The following PDSS1 variants were observed in gnomAD, a reference collection of about 807,000 sequenced individuals.
The protein encoded by PDSS1 is all trans-polyprenyl-diphosphate synthase PDSS1.
In PDSS1, 43 loss-of-function variants were observed where a neutral mutation model predicts 57.5. The ratio of observed to expected loss-of-function variants is 0.75; its 90% CI spans 0.59 to 0.96. PDSS1 has a LOEUF of 0.96. Among genes scored for constraint, PDSS1 ranks in the 50% least tolerant of loss-of-function variants. The pLI is 0.00. For missense variants in PDSS1, 438 were observed against 527.8 expected, an observed-to-expected ratio of 0.83 and a Z score of 1.67; for synonymous variants, 175 against 191.3, an observed-to-expected ratio of 0.91 and a Z score of 0.70.
chr10:26,725,589 T>C (rs1283838673), intron 8 of PDSS1, among the ~76,000 whole-genome samples: 2 of 152,122 alleles, frequency 1.3e-5, no homozygotes, highest in Non-Finnish European at 2.9e-5. Context: ...CTATTTTAAG[T>C]GGGTGCTCTA....
intron 4 of PDSS1, 70 bp from the exon 5 acceptor site, chr10:26,709,568 A>C: frequency 1.9e-6 from 3 of 1,542,932 alleles, no homozygotes; most frequent in South Asian, 2.2e-5. Context: ...TCTCAAAAAA[A>C]AAAAGAAATC....
intron 5 of PDSS1, among the ~76,000 whole-genome samples, chr10:26,719,970 T>A (rs1379818150): frequency 6.6e-6 from 1 of 152,260 alleles, no homozygotes; most frequent in Non-Finnish European, 1.5e-5. Flanking sequence ...GATCGTTTAC[T>A]GTTTTTTTGG....
chr10:26,727,890 G>A (rs1836013147), intron 8 of PDSS1, among the ~76,000 whole-genome samples: 1 of 151,802 alleles, frequency 6.6e-6, no homozygotes, highest in Non-Finnish European at 1.5e-5. Flanking sequence ...GGCCAGTTAT[G>A]TTGTTGAGCC....
chr10:26,702,267 A>G, intron 2 of PDSS1, 73 bp downstream of exon 2: 1 of 392,570 alleles, frequency 2.5e-6, no homozygotes, highest in South Asian at 1.9e-5. Flanking sequence ...TTCGGAAGGA[A>G]TGATTGGTTT....
At chr10:26,739,320 CA>C (rs1446515826) in intron 10 of PDSS1, among the ~76,000 whole-genome samples, 1 of 152,202 alleles carries the variant, frequency 6.6e-6, no homozygotes, top group African/African-American at 2.4e-5. Context: ...CCTGAGCAAA[CA>C]GAATTTTTAT....
intron 8 of PDSS1, among the ~76,000 whole-genome samples, chr10:26,724,394 A>G (rs1446565176): frequency 4.6e-5 from 7 of 152,232 alleles, no homozygotes; most frequent in African/African-American, 1.7e-4. Context: ...CCCCAATCTG[A>G]TTGCCAAACT....
At chr10:26,714,033 C>T (rs1239898019) in intron 5 of PDSS1, among the ~76,000 whole-genome samples, 3 of 152,294 alleles carry the variant, frequency 2.0e-5, no homozygotes, top group Non-Finnish European at 4.4e-5. Context: ...TCTCCCCCTC[C>T]CTCAGGTGTC....
intron 1 of PDSS1, among the ~76,000 whole-genome samples, chr10:26,701,355 A>T (rs751320526): frequency 5.9e-5 from 9 of 152,240 alleles, no homozygotes; most frequent in Non-Finnish European, 1.0e-4. Flanking sequence ...AGAGCATGTC[A>T]GAGACCTTCT....
At chr10:26,730,284 C>T (rs564439697) in intron 8 of PDSS1, among the ~76,000 whole-genome samples, 4 of 151,972 alleles carry the variant, frequency 2.6e-5, no homozygotes, top group African/African-American at 7.2e-5. Flanking sequence ...TGGTTTTGAG[C>T]GTTTTGTTAT....
chr10:26,707,782 G>A (rs559811615), intron 4 of PDSS1, among the ~76,000 whole-genome samples: 1 of 152,308 alleles, frequency 6.6e-6, no homozygotes, highest in South Asian at 2.1e-4. Context: ...ACTACTCACC[G>A]GGAACGCCAT....
At chr10:26,705,144 C>T in intron 3 of PDSS1, 142 bp from the exon 4 acceptor site, 1 of 662,514 alleles carries the variant, frequency 1.5e-6, no homozygotes, top group Non-Finnish European at 2.8e-6. Flanking sequence ...GTATGTTTTT[C>T]CAAATTATAA....
chr10:26,720,565 T>G (rs1217783156), intron 6 of PDSS1, among the ~76,000 whole-genome samples: 1 of 152,170 alleles, frequency 6.6e-6, no homozygotes, highest in Non-Finnish European at 1.5e-5. Flanking sequence ...ATAAACTTAG[T>G]ATTTCTAATA....
rs558524611 is a variant in PDSS1, at chr10:26,733,895, G to A, written c.832-1345G>A. ...AGACTGAGGCGGAAGGAACCCTTGA[G>A]CCCAGGAGTTCAAGGTTACAGTGAG... On this transcript the variant is annotated intron_variant, in intron 8 of 11. Coordinates refer to ENST00000376215, the MANE Select transcript of PDSS1 (RefSeq NM_014317.5). Among the ~76,000 whole-genome samples the A allele has an allele frequency of 1.6e-3, 245 of 152,234 alleles. 9 individuals are homozygous for A. The South Asian group carries it at 0.049, about 31-fold the overall frequency.
intron 10 of PDSS1, chr10:26,740,800 A>G: frequency 2.5e-6 from 1 of 398,114 alleles, no homozygotes; most frequent in Non-Finnish European, 5.1e-6. Flanking sequence ...TAAGGAAGTC[A>G]CTCGGCTGTG....
chr10:26,733,185 C>T (rs374219002), intron 8 of PDSS1, among the ~76,000 whole-genome samples: 2 of 152,206 alleles, frequency 1.3e-5, no homozygotes, highest in Non-Finnish European at 1.5e-5. Flanking sequence ...AATCTCACTA[C>T]AGGAGACTGC....
chr10:26,715,467 G>A (rs1273934133), intron 5 of PDSS1: 1 of 150,642 alleles, frequency 6.6e-6, no homozygotes, highest in African/African-American at 2.4e-5. Context: ...CACAATCTCA[G>A]CTCATTTCAA....
intron 5 of PDSS1, chr10:26,715,099 T>C (rs1456378227): frequency 1.3e-5 from 2 of 152,296 alleles, no homozygotes; most frequent in Non-Finnish European, 2.9e-5. Context: ...GTTTATGGGA[T>C]AGGCAAGAAG....
rs12776891 is a variant in PDSS1, at chr10:26,704,425, G to A, written c.163-252G>A. ...AAAGATAGATATGAATATGGAAATGGCTTTCTTTGGGGGAAGGGATGGACT... is the reference window on the plus strand; with the variant it reads ...AAAGATAGATATGAATATGGAAATGACTTTCTTTGGGGGAAGGGATGGACT... On this transcript the variant is annotated intron_variant, in intron 2 of 11. Coordinates refer to ENST00000376215, the MANE Select transcript of PDSS1 (RefSeq NM_014317.5). Among the ~76,000 whole-genome samples the A allele has an allele frequency of 0.011, 1,724 of 151,552 alleles. 20 individuals are homozygous for A. Among genetic ancestry groups the A allele is most frequent in the Non-Finnish European group, 0.018 (1,204 of 68,022 alleles).
rs1554795596 is a variant in PDSS1 at position 26,721,423 on chromosome 10, T to TACACACACACAC, written c.609+1080_609+1091dup. Among the ~76,000 whole-genome samples, 146 of 149,364 alleles carry TACACACACACAC rather than the reference T, an allele frequency of 9.8e-4. 6 individuals carry two copies. The East Asian group carries it at 0.015, about 15-fold the overall frequency. On this transcript the variant is annotated intron_variant, in intron 6 of 11. Transcript: ENST00000376215. Reference sequence around the variant, plus strand: ...CTTATTAAAAGAAGAGATATATGTATACACACACACACACACACACACACA... The same window carrying TACACACACACAC: ...CTTATTAAAAGAAGAGATATATGTATACACACACACACACACACACACACACACACACACACA...
Sources: allele counts gnomAD v4.1 joint callset (sites outside exome capture counted in the v4.1 genomes callset), GRCh38; gene constraint gnomAD v4.1.1; transcripts MANE v1.5; gene names NCBI Gene and HGNC (gene_info 2026-07-23, HGNC 2026-07-21).